Variants in COL28A1 observed in about 807,000 individuals in gnomAD.
COL28A1 encodes the protein collagen type XXVIII alpha 1 chain.
A neutral mutation model predicts 150.2 loss-of-function variants in COL28A1; 161 were observed. That is an observed-to-expected ratio of 1.07 (90% confidence interval 0.94 to 1.22). The LOEUF (loss-of-function observed/expected upper bound fraction) is 1.22. COL28A1 is among the 50% of genes most tolerant of loss of function. COL28A1 has a pLI of 0.00. For synonymous variants in COL28A1, 552 were observed against 469.7 expected (o/e 1.18, Z -2.26); for missense variants, 1,617 against 1,388.3 (o/e 1.16, Z -2.62).
chr7:7,377,912 A>G (rs1377169031), intron 30 of COL28A1, among the ~76,000 whole-genome samples: 1 of 151,884 alleles, frequency 6.6e-6, no homozygotes, highest in Non-Finnish European at 1.5e-5. Context: ...GGCTTGGTGA[A>G]TAACTGGAAG....
At chr7:7,480,427 C>A (rs1376845761) in intron 13 of COL28A1, among the ~76,000 whole-genome samples, 1 of 152,016 alleles carries the variant, frequency 6.6e-6, no homozygotes, top group African/African-American at 2.4e-5. Flanking sequence ...ACGGGCAGAG[C>A]AATTAGCTAG....
chr7:7,515,731 C>T (rs777579860), intron 8 of COL28A1, 83 bp downstream of exon 8: 5 of 773,904 alleles, frequency 6.5e-6, no homozygotes, highest in Non-Finnish European at 1.1e-5. Context: ...AAGAAAATAA[C>T]TTTTATTAAG....
chr7:7,348,973 T>A, the COL28A1 span, among the ~76,000 whole-genome samples: 1 of 152,074 alleles, frequency 6.6e-6, no homozygotes, highest in African/African-American at 2.4e-5. Context: ...CTTGAGCTCC[T>A]GGTCTCAAGC....
At chr7:7,408,167 A>G (rs73348905) in intron 27 of COL28A1, among the ~76,000 whole-genome samples, 7,683 of 152,118 alleles carry the variant, frequency 0.051, 591 homozygotes, top group African/African-American at 0.17. Flanking sequence ...AGCCGTGCTC[A>G]TGATTCCCGC....
chr7:7,421,094 C>T (rs1784371430), intron 25 of COL28A1, among the ~76,000 whole-genome samples: 1 of 152,096 alleles, frequency 6.6e-6, no homozygotes, highest in South Asian at 2.1e-4. Flanking sequence ...AGCCTAAATG[C>T]CCATCAACTG....
chr7:7,533,951 C>A (rs1010712042), intron 1 of COL28A1, among the ~76,000 whole-genome samples: 1 of 152,270 alleles, frequency 6.6e-6, no homozygotes. Context: ...TTCTTTGGCA[C>A]CTTGCCTTTA....
At chr7:7,404,761 T>G (rs1783403064) in intron 27 of COL28A1, among the ~76,000 whole-genome samples, 1 of 152,202 alleles carries the variant, frequency 6.6e-6, no homozygotes, top group African/African-American at 2.4e-5. Flanking sequence ...TTTATTATAT[T>G]TATTGCTAAT....
chr7:7,416,347 GATTA>G (rs1337593426), intron 27 of COL28A1, among the ~76,000 whole-genome samples: 1 of 152,160 alleles, frequency 6.6e-6, no homozygotes, highest in Non-Finnish European at 1.5e-5. Flanking sequence ...AGTCGGTAAG[GATTA>G]ATTAAACACA....
At chr7:7,430,415 C>T (rs998570773) in intron 25 of COL28A1, among the ~76,000 whole-genome samples, 3 of 152,170 alleles carry the variant, frequency 2.0e-5, no homozygotes, top group African/African-American at 7.2e-5. Flanking sequence ...GCATGAGCCA[C>T]CACACCTGGC....
chr7:7,526,912 G>A (rs1782055155), intron 3 of COL28A1, among the ~76,000 whole-genome samples: 2 of 152,262 alleles, frequency 1.3e-5, no homozygotes, highest in Admixed American at 1.3e-4. Context: ...TGGGATTACA[G>A]GTGTGAGCCA....
intron 25 of COL28A1, among the ~76,000 whole-genome samples, chr7:7,420,966 G>A (rs1312212025): frequency 6.6e-6 from 1 of 152,156 alleles, no homozygotes; most frequent in African/African-American, 2.4e-5. Flanking sequence ...TTTGCCAAAT[G>A]ATACAGTCAT....
At chr7:7,497,076 A>G (rs1780251058) in intron 11 of COL28A1, among the ~76,000 whole-genome samples, 1 of 138,802 alleles carries the variant, frequency 7.2e-6, no homozygotes. Flanking sequence ...GAAGAAAGGA[A>G]GGAAGAAAGG....
intron 30 of COL28A1, among the ~76,000 whole-genome samples, chr7:7,379,448 AT>A (rs1781742454): frequency 6.6e-6 from 1 of 151,728 alleles, no homozygotes; most frequent in Admixed American, 6.6e-5. Context: ...ATCATACACC[AT>A]TTTGTCTGCT....
chr7:7,403,928 TAAG>T (rs1331427790), intron 27 of COL28A1, among the ~76,000 whole-genome samples: 1 of 152,160 alleles, frequency 6.6e-6, no homozygotes, highest in African/African-American at 2.4e-5. Context: ...AACCTTTTCC[TAAG>T]AAGTTAAATG....
chr7:7,425,859 G>C (rs1039237740), intron 25 of COL28A1, among the ~76,000 whole-genome samples: 1 of 152,160 alleles, frequency 6.6e-6, no homozygotes, highest in Non-Finnish European at 1.5e-5. Context: ...TCAAGGTGGA[G>C]CAGTGACAAG....
intron 27 of COL28A1, among the ~76,000 whole-genome samples, chr7:7,407,235 G>A (rs1368914185): frequency 6.6e-6 from 1 of 151,968 alleles, no homozygotes; most frequent in Non-Finnish European, 1.5e-5. Context: ...TCAGAAAGAT[G>A]GTTAGTGGGG....
chr7:7,462,880 A>G (rs1245535517), intron 15 of COL28A1, among the ~76,000 whole-genome samples: 1 of 150,498 alleles, frequency 6.6e-6, no homozygotes, highest in African/African-American at 2.4e-5. Flanking sequence ...AAAAAAGAAA[A>G]AAGAAAGAAA....
At chr7:7,530,077 T>G (rs956550891) in intron 3 of COL28A1, among the ~76,000 whole-genome samples, 1 of 152,152 alleles carries the variant, frequency 6.6e-6, no homozygotes, top group African/African-American at 2.4e-5. Flanking sequence ...CAGTTCTGAT[T>G]GAGAAAATAT....
At chr7:7,429,472 G>T (rs941771975) in intron 25 of COL28A1, among the ~76,000 whole-genome samples, 1 of 138,004 alleles carries the variant, frequency 7.2e-6, no homozygotes, top group Non-Finnish European at 1.5e-5. Flanking sequence ...GTGTGTGTGT[G>T]TGGGGGGGGG....
Sources: gnomAD v4.1 joint callset for allele counts (sites outside exome capture counted in the v4.1 genomes callset) on GRCh38, gnomAD v4.1.1 for gene constraint, MANE v1.5 for transcripts, NCBI Gene and HGNC (gene_info 2026-07-23, HGNC 2026-07-21) for gene names.